Variants in CEBPZ observed in about 807,000 individuals in gnomAD.
CEBPZ encodes CCAAT enhancer binding protein zeta, also known as CCAAT/enhancer-binding protein zeta.
CEBPZ carries 78 observed loss-of-function variants against 104.5 expected under a neutral mutation model. The ratio of observed to expected loss-of-function variants is 0.75; its 90% confidence interval spans 0.62 to 0.90. The LOEUF is 0.90. Among genes scored for constraint, CEBPZ ranks in the 40% least tolerant of loss-of-function variants. The pLI is 0.00. For synonymous variants in CEBPZ, 470 were observed against 427.0 expected (o/e 1.10, Z -1.24); for missense variants, 1,439 against 1,233.5 (o/e 1.17, Z -2.50).
intron 12 of CEBPZ, 102 bp from the exon 13 acceptor site, chr2:37,211,184 T>C (rs539364568): frequency 2.9e-6 from 2 of 688,626 alleles, no homozygotes; most frequent in South Asian, 3.9e-5. Flanking sequence ...GGTAAGGCAC[T>C]ATACTGCTAT....
At chr2:37,203,239 T>C (rs1677367775) in intron 13 of CEBPZ, 2 of 306,980 alleles carry the variant, frequency 6.5e-6, no homozygotes. Flanking sequence ...GAGTGTCTTC[T>C]TGCTTTTCAG....
rs765044448 is a variant in CEBPZ at position 37,228,364 on chromosome 2, CCTT to C, written c.826_828del (p.Lys276del). 5 of 1,614,110 alleles carry C rather than the reference CCTT, an allele frequency of 3.1e-6. No homozygotes were observed. In the South Asian group the frequency reaches 5.5e-5, roughly 18 times the overall value. ...GCCATAAGGCACTGCTGTTTGCTGC[CCTT>C]CTTTTTAACAAGGTTCACAAGAGTT... On this transcript the variant is annotated inframe_deletion, in exon 2 of 16. Transcript: ENST00000234170.
chr2:37,219,639 C>T (rs542942687), intron 5 of CEBPZ, among the ~76,000 whole-genome samples: 5 of 152,168 alleles, frequency 3.3e-5, no homozygotes, highest in South Asian at 2.1e-4. Flanking sequence ...GTGGTCTGGC[C>T]GCACTTTGAG....
At chr2:37,221,983 ATTACT>A (rs1387341993) in intron 4 of CEBPZ, among the ~76,000 whole-genome samples, 1 of 152,206 alleles carries the variant, frequency 6.6e-6, no homozygotes, top group African/African-American at 2.4e-5. Context: ...TCCCTAAAAC[ATTACT>A]TTAAGAAACT....
At chr2:37,203,422 A>G (rs1036536927) in intron 13 of CEBPZ, 5 of 152,822 alleles carry the variant, frequency 3.3e-5, no homozygotes, top group African/African-American at 1.2e-4. Flanking sequence ...TTATTATGCT[A>G]TAAATGAAGT....
At chr2:37,225,311 C>T (rs1386311267) in intron 2 of CEBPZ, among the ~76,000 whole-genome samples, 1 of 152,162 alleles carries the variant, frequency 6.6e-6, no homozygotes, top group African/African-American at 2.4e-5. Flanking sequence ...ATTATTGTAT[C>T]TCACAGTGTG....
intron 2 of CEBPZ, among the ~76,000 whole-genome samples, chr2:37,225,377 T>A (rs544427296): frequency 2.6e-5 from 4 of 152,004 alleles, no homozygotes; most frequent in African/African-American, 9.7e-5. Flanking sequence ...GAAGTAGACA[T>A]AGGAGACTCC....
In CEBPZ at chr2:37,228,495, G is replaced by A; in HGVS notation, c.698C>T (p.Thr233Ile). 3 of 1,614,182 alleles carry A rather than the reference G, an allele frequency of 1.9e-6. No individual in the cohort carries two copies. The highest frequency in any genetic ancestry group is 1.3e-5 in the African/African-American group (1 of 75,042). Residue 233 changes from threonine (T) to isoleucine (I), a missense_variant, in exon 2 of 16, where the codon ACC (threonine) becomes ATC (isoleucine). Coordinates refer to ENST00000234170, the MANE Select transcript of CEBPZ (RefSeq NM_005760.3). ...KTNSQKGASS[T>I]WMKAIVSSGT... Reference sequence around the variant, plus strand: ...CGATGACACAATTGCCTTCATCCAGGTAGAAGAGGCTCCCTTTTGACTATT... The same window carrying A: ...CGATGACACAATTGCCTTCATCCAGATAGAAGAGGCTCCCTTTTGACTATT...
chr2:37,221,231 G>A (rs1388355319), intron 4 of CEBPZ, among the ~76,000 whole-genome samples: 1 of 152,126 alleles, frequency 6.6e-6, no homozygotes, highest in African/African-American at 2.4e-5. Context: ...TGGGAGGATC[G>A]CTTGAGTTCA....
chr2:37,230,635 C>T (rs1401270657), intron 1 of CEBPZ, among the ~76,000 whole-genome samples: 2 of 152,176 alleles, frequency 1.3e-5, no homozygotes, highest in Non-Finnish European at 2.9e-5. Context: ...AGTGGTTTTG[C>T]ATCAAACTCA....
rs1677254690 is a variant in CEBPZ, at chr2:37,201,792, G to A, written c.3137C>T (p.Thr1046Ile). 6.6e-7 allele frequency: 1 copy of A among 1,519,574 alleles called. No individual in the cohort carries two copies. The highest frequency in any genetic ancestry group is 9.1e-7 in the Non-Finnish European group (1 of 1,094,164). 94.1% of individuals were successfully genotyped at this position (1,519,574 alleles called of 1,614,324 possible). Residue 1046 changes from threonine to isoleucine, a missense_variant, in exon 16 of 16, where the codon ACT becomes ATT. Coordinates refer to ENST00000234170, the MANE Select transcript of CEBPZ (RefSeq NM_005760.3). ...TTTCCTTTGTTTTTTAGTTTTTTGA[G>A]TGGTTTTAATCCTCTTCTTTTTAAA... ...KHFKKKRIKTTQKTKKQRK is the reference protein window; with the variant it reads ...KHFKKKRIKTIQKTKKQRK
chr2:37,202,870 T>G lies in CEBPZ; in HGVS notation c.2944-5A>C. The G allele has an allele frequency of 2.5e-6, 4 of 1,598,620 alleles. No individual in the cohort carries two copies. Among genetic ancestry groups the G allele is most frequent in the Non-Finnish European group, 3.4e-6 (4 of 1,172,770 alleles). ...TTCATCCAATAGATGGCCAAACTTT[T>G]AAACAAAAACGATAAATTTATTAGA... On this transcript the variant is annotated splice_polypyrimidine_tract_variant and splice_region_variant and intron_variant, in intron 14 of 15. Coordinates refer to ENST00000234170, the MANE Select transcript of CEBPZ (RefSeq NM_005760.3).
intron 13 of CEBPZ, among the ~76,000 whole-genome samples, chr2:37,207,211 T>A (rs148073735): frequency 1.3e-5 from 2 of 152,290 alleles, no homozygotes; most frequent in East Asian, 3.9e-4. Flanking sequence ...AGTGGGTGAC[T>A]TCAATACTCC....
intron 5 of CEBPZ, among the ~76,000 whole-genome samples, chr2:37,219,995 C>T (rs988179081): frequency 2.0e-5 from 3 of 152,064 alleles, no homozygotes; most frequent in Non-Finnish European, 4.4e-5. Context: ...AAAACAAAAA[C>T]TTCAAGGCAT....
intron 13 of CEBPZ, 112 bp downstream of exon 13, chr2:37,210,887 C>T: frequency 1.8e-6 from 1 of 552,676 alleles, no homozygotes. Context: ...AAAAGAACCC[C>T]CCCCACCCCT....
chr2:37,207,843 G>A (rs1049574010), intron 13 of CEBPZ, among the ~76,000 whole-genome samples: 6 of 151,870 alleles, frequency 4.0e-5, no homozygotes, highest in Non-Finnish European at 8.8e-5. Context: ...CACTACAAAA[G>A]ATAAATGAAA....
intron 3 of CEBPZ, 71 bp from the exon 4 acceptor site, chr2:37,222,634 T>C: frequency 2.7e-6 from 3 of 1,122,986 alleles, no homozygotes; most frequent in Non-Finnish European, 3.7e-6. Context: ...TGCTCCATTA[T>C]GTGATGCAGA....
chr2:37,226,952 C>T (rs2148362532), intron 2 of CEBPZ, among the ~76,000 whole-genome samples: 1 of 152,284 alleles, frequency 6.6e-6, no homozygotes, highest in South Asian at 2.1e-4. Context: ...CCCCAAAACT[C>T]TCTACTTAAC....
At chr2:37,202,115 G>T (rs916739582) in intron 15 of CEBPZ, 2 of 319,568 alleles carry the variant, frequency 6.3e-6, no homozygotes, top group Non-Finnish European at 1.1e-5. Context: ...GGAAGGAAAA[G>T]AAACAAATGC....
Sources: gnomAD v4.1 joint callset for allele counts (sites outside exome capture counted in the v4.1 genomes callset) on GRCh38, gnomAD v4.1.1 for gene constraint, MANE v1.5 for transcripts, NCBI Gene and HGNC (gene_info 2026-07-23, HGNC 2026-07-21) for gene names.